MGAT4C: variants seen among roughly 807,000 people sequenced by gnomAD.
The protein encoded by MGAT4C is MGAT4 family member C.
MGAT4C carries 19 observed loss-of-function variants against 40.1 expected under a neutral mutation model. The observed-to-expected ratio is 0.47, with a 90% confidence interval of 0.33 to 0.70. The LOEUF (loss-of-function observed/expected upper bound fraction) is 0.70. MGAT4C is among the 30% of genes least tolerant of loss of function. MGAT4C has a pLI of 0.02. For missense variants in MGAT4C, 491 were observed against 563.2 expected, an observed-to-expected ratio of 0.87 and a Z score of 1.30; for synonymous variants, 181 against 187.1, an observed-to-expected ratio of 0.97 and a Z score of 0.27.
At chr12:85,988,022 T>A (rs1191551058) in intron 3 of MGAT4C, among the ~76,000 whole-genome samples, 1 of 152,214 alleles carries the variant, frequency 6.6e-6, no homozygotes, top group Non-Finnish European at 1.5e-5. Flanking sequence ...CTTGTTCTGT[T>A]GTCCTTATTA....
At chr12:86,599,343 ATTACG>A (rs1240095840) in intron 2 of MGAT4C, among the ~76,000 whole-genome samples, 3 of 152,176 alleles carry the variant, frequency 2.0e-5, no homozygotes, top group African/African-American at 7.2e-5. Context: ...TATCATTTTC[ATTACG>A]TTATCTGTAA....
chr12:86,416,480 C>A (rs1164748602), intron 3 of MGAT4C, among the ~76,000 whole-genome samples: 2 of 152,062 alleles, frequency 1.3e-5, no homozygotes, highest in African/African-American at 4.8e-5. Flanking sequence ...CACTGGTTAC[C>A]CAGTTGAGGA....
chr12:86,638,513 AC>A (rs1244663910), intron 2 of MGAT4C, among the ~76,000 whole-genome samples: 11 of 151,856 alleles, frequency 7.2e-5, no homozygotes, highest in African/African-American at 2.7e-4. Context: ...TGGGATTAGT[AC>A]CTTTATAAGA....
At chr12:86,291,350 G>C (rs1953510846) in intron 4 of MGAT4C, among the ~76,000 whole-genome samples, 1 of 152,200 alleles carries the variant, frequency 6.6e-6, no homozygotes, top group Non-Finnish European at 1.5e-5. Flanking sequence ...AAGCTGGACA[G>C]CCAAGAAATA....
intron 1 of MGAT4C, among the ~76,000 whole-genome samples, chr12:86,060,824 G>T (rs116356047): frequency 2.0e-5 from 3 of 152,100 alleles, no homozygotes; most frequent in African/African-American, 4.8e-5. Context: ...AGAAAACCCC[G>T]TGGTGGGCAG....
rs1195163054 is a variant in MGAT4C at position 85,960,581 on chromosome 12, A to G, written c.*18708T>C. 1.8e-4 allele frequency: 28 copies of G among 151,906 alleles called. No homozygotes were observed. Among genetic ancestry groups the G allele is most frequent in the Admixed American group, 1.8e-3 (28 of 15,236 alleles). 9.4% of individuals were successfully genotyped at this position (151,906 alleles called of 1,614,324 possible). A position where few individuals can be genotyped will look rare whatever the true frequency, so the allele number is the denominator to read the frequency against. ...GATTTTCAGACTAATTTGGATCATG[A>G]TTATTGGCCTGTGTCCCACCCATTA... On this transcript the variant is annotated 3_prime_UTR_variant, in exon 5 of 5. Transcript: ENST00000611864.
At chr12:86,298,521 A>G (rs1006327095) in intron 4 of MGAT4C, among the ~76,000 whole-genome samples, 2 of 152,140 alleles carry the variant, frequency 1.3e-5, no homozygotes. Context: ...AAGCATCAAA[A>G]CAAGCATAAA....
At chr12:86,771,552 C>T (rs1047080413) in intron 1 of MGAT4C, among the ~76,000 whole-genome samples, 5 of 151,772 alleles carry the variant, frequency 3.3e-5, no homozygotes, top group Non-Finnish European at 5.9e-5. Context: ...TCATTGTGTA[C>T]AGAATGTAAG....
intron 3 of MGAT4C, among the ~76,000 whole-genome samples, chr12:86,427,414 T>C (rs1304007188): frequency 6.6e-6 from 1 of 151,972 alleles, no homozygotes; most frequent in Non-Finnish European, 1.5e-5. Context: ...TTTTTATCTT[T>C]TCAAAAGGAA....
chr12:86,811,580 G>A (rs997714149), intron 1 of MGAT4C, among the ~76,000 whole-genome samples: 8 of 151,030 alleles, frequency 5.3e-5, no homozygotes, highest in African/African-American at 1.9e-4. Context: ...GTCCTAAAGT[G>A]ATCTGTCTGC....
At chr12:86,518,091 G>A (rs550168069) in intron 2 of MGAT4C, among the ~76,000 whole-genome samples, 1 of 152,290 alleles carries the variant, frequency 6.6e-6, no homozygotes, top group African/African-American at 2.4e-5. Context: ...AAGATGAGAA[G>A]TGAATCCTAA....
chr12:86,170,436 T>G (rs969914448), intron 1 of MGAT4C, among the ~76,000 whole-genome samples: 1 of 152,168 alleles, frequency 6.6e-6, no homozygotes, highest in Non-Finnish European at 1.5e-5. Context: ...ATTAACACAT[T>G]GTTAATGTTA....
At chr12:86,631,758 G>A (rs1302764145) in intron 2 of MGAT4C, among the ~76,000 whole-genome samples, 2 of 152,042 alleles carry the variant, frequency 1.3e-5, no homozygotes, top group Non-Finnish European at 2.9e-5. Flanking sequence ...ATTAATTCAA[G>A]ATGGATTAAA....
At chr12:86,168,117 G>C (rs1157304683) in intron 1 of MGAT4C, among the ~76,000 whole-genome samples, 1 of 152,084 alleles carries the variant, frequency 6.6e-6, no homozygotes, top group East Asian at 1.9e-4. Flanking sequence ...GATAAATTTA[G>C]AATTTATTCA....
intron 2 of MGAT4C, among the ~76,000 whole-genome samples, chr12:86,581,061 T>C (rs1470699556): frequency 6.6e-6 from 1 of 151,424 alleles, no homozygotes; most frequent in Admixed American, 6.6e-5. Context: ...TCTAAAAACA[T>C]TTCTCAAGAC....
chr12:86,413,012 G>A (rs1370916921), intron 3 of MGAT4C, among the ~76,000 whole-genome samples: 1 of 152,074 alleles, frequency 6.6e-6, no homozygotes, highest in East Asian at 1.9e-4. Flanking sequence ...GCCATGTAAG[G>A]CTGTATTTTT....
chr12:86,657,426 T>C (rs1963878313), intron 2 of MGAT4C, among the ~76,000 whole-genome samples: 1 of 151,850 alleles, frequency 6.6e-6, no homozygotes, highest in African/African-American at 2.4e-5. Flanking sequence ...AAAAAAGGCC[T>C]TAAGAGCCTT....
At chr12:86,160,750 T>C (rs923299182) in intron 1 of MGAT4C, among the ~76,000 whole-genome samples, 1 of 152,008 alleles carries the variant, frequency 6.6e-6, no homozygotes, top group Admixed American at 6.6e-5. Flanking sequence ...TAAATCTGGG[T>C]GCTCCAATGT....
intron 3 of MGAT4C, among the ~76,000 whole-genome samples, chr12:86,406,789 T>C (rs1401285424): frequency 6.6e-6 from 1 of 152,104 alleles, no homozygotes; most frequent in Non-Finnish European, 1.5e-5. Context: ...AACTTTTTTA[T>C]CTCTTCACAC....
Sources: gnomAD v4.1 joint callset for allele counts (sites outside exome capture counted in the v4.1 genomes callset) on GRCh38, gnomAD v4.1.1 for gene constraint, MANE v1.5 for transcripts, NCBI Gene and HGNC (gene_info 2026-07-23, HGNC 2026-07-21) for gene names.